Variants in UNC13C observed in about 807,000 individuals in gnomAD.
UNC13C encodes unc-13 homolog C, also known as protein unc-13 homolog C.
In UNC13C, 174 loss-of-function variants were observed where a neutral mutation model predicts 245.4. The observed-to-expected ratio is 0.71, with a 90% confidence interval of 0.63 to 0.80. UNC13C has a LOEUF of 0.80. Among genes scored for constraint, UNC13C ranks in the 30% least tolerant of loss-of-function variants. The pLI is 0.00. For missense variants in UNC13C, 2,829 were observed against 2,602.9 expected (o/e 1.09, Z -1.89); for synonymous variants, 992 against 895.1 (o/e 1.11, Z -1.93).
intron 2 of UNC13C, among the ~76,000 whole-genome samples, chr15:54,131,610 G>T (rs1295312471): frequency 1.3e-5 from 2 of 152,134 alleles, no homozygotes; most frequent in Non-Finnish European, 2.9e-5. Context: ...ACTATCCATA[G>T]TTAGGCACTT....
chr15:54,294,887 TA>T (rs2037389004), intron 11 of UNC13C, among the ~76,000 whole-genome samples: 1 of 152,158 alleles, frequency 6.6e-6, no homozygotes, highest in Non-Finnish European at 1.5e-5. Flanking sequence ...CTTTTGACTT[TA>T]AAAAAATCTG....
rs115075186 is a variant in UNC13C at position 54,378,004 on chromosome 15, G to A, written c.4714-15044G>A. On this transcript the variant is annotated intron_variant, in intron 17 of 32. Coordinates refer to ENST00000260323, the MANE Select transcript of UNC13C (RefSeq NM_001080534.3). ...TAGTCAATTTTTAGATACAGTATGGGATTTTTTTTTTGGTACAGCATTCCC... is the reference window on the plus strand; with the variant it reads ...TAGTCAATTTTTAGATACAGTATGGAATTTTTTTTTTGGTACAGCATTCCC... 8.7e-3 allele frequency among the ~76,000 whole-genome samples: 1,323 copies of A among 152,078 alleles called. 25 individuals carry two copies. The highest frequency in any genetic ancestry group is 0.03 in the African/African-American group (1,252 of 41,488).
intron 2 of UNC13C, among the ~76,000 whole-genome samples, chr15:54,029,193 A>G (rs1440919652): frequency 4.6e-5 from 7 of 152,220 alleles, no homozygotes; most frequent in Admixed American, 4.6e-4. Flanking sequence ...TAATAGCTTC[A>G]GTTATTGATG....
chr15:53,870,798 T>C, the UNC13C span, among the ~76,000 whole-genome samples: 2 of 152,118 alleles, frequency 1.3e-5, no homozygotes, highest in East Asian at 3.9e-4. Flanking sequence ...TTGGCCAAGG[T>C]CACACAGCAA....
chr15:54,186,791 C>A (rs576386439), intron 4 of UNC13C, among the ~76,000 whole-genome samples: 1 of 147,446 alleles, frequency 6.8e-6, no homozygotes, highest in African/African-American at 2.5e-5. Context: ...GCTCACTGCC[C>A]TTAATTACCA....
chr15:54,254,216 A>G (rs992473502), intron 8 of UNC13C, among the ~76,000 whole-genome samples: 27 of 152,198 alleles, frequency 1.8e-4, no homozygotes, highest in African/African-American at 6.0e-4. Flanking sequence ...AAGACAGTCA[A>G]ATATTTGCAT....
intron 18 of UNC13C, among the ~76,000 whole-genome samples, chr15:54,403,583 C>A (rs2040231868): frequency 6.6e-6 from 1 of 151,328 alleles, no homozygotes; most frequent in African/African-American, 2.4e-5. Flanking sequence ...AGGCATTTTG[C>A]CACATGCCAG....
intron 30 of UNC13C, among the ~76,000 whole-genome samples, chr15:54,579,182 C>T (rs1898096415): frequency 6.6e-6 from 1 of 152,098 alleles, no homozygotes; most frequent in Non-Finnish European, 1.5e-5. Flanking sequence ...AAAATTTCTT[C>T]TACAGGATTC....
chr15:54,264,067 G>T, intron 8 of UNC13C, 101 bp from the exon 9 acceptor site: 1 of 1,167,362 alleles, frequency 8.6e-7, no homozygotes, highest in Non-Finnish European at 1.2e-6. Context: ...CAGAATGAAA[G>T]CACTCATTCA....
At chr15:53,889,778 G>T in the UNC13C span, among the ~76,000 whole-genome samples, 2 of 152,052 alleles carry the variant, frequency 1.3e-5, no homozygotes, top group African/African-American at 2.4e-5. Flanking sequence ...GTTGAATTTT[G>T]TCAAAGGCCT....
the UNC13C span, among the ~76,000 whole-genome samples, chr15:53,939,744 T>G: frequency 6.6e-6 from 1 of 152,110 alleles, no homozygotes; most frequent in African/African-American, 2.4e-5. Flanking sequence ...AACCACACAA[T>G]TAGCTCAATA....
intron 2 of UNC13C, among the ~76,000 whole-genome samples, chr15:54,125,420 G>T (rs983907187): frequency 6.6e-6 from 1 of 152,050 alleles, no homozygotes; most frequent in Non-Finnish European, 1.5e-5. Context: ...CTGAGACTGC[G>T]CCACTGCACT....
intron 1 of UNC13C, among the ~76,000 whole-genome samples, chr15:54,000,588 C>A (rs1894841236): frequency 6.6e-6 from 1 of 152,032 alleles, no homozygotes; most frequent in Non-Finnish European, 1.5e-5. Flanking sequence ...TCACAGAGGT[C>A]TTAGAAAATC....
chr15:54,612,718 G>T (rs1246300963), intron 30 of UNC13C, among the ~76,000 whole-genome samples: 1 of 151,912 alleles, frequency 6.6e-6, no homozygotes, highest in Non-Finnish European at 1.5e-5. Context: ...TGTTGCAAAC[G>T]AAGTGGATAT....
At chr15:54,426,841 A>ATT (rs1168833565) in intron 19 of UNC13C, among the ~76,000 whole-genome samples, 12 of 151,724 alleles carry the variant, frequency 7.9e-5, no homozygotes, top group African/African-American at 2.9e-4. Context: ...TGTTGTGAGG[A>ATT]TTAAATTAGG....
chr15:54,201,540 A>C (rs531860902), intron 4 of UNC13C, among the ~76,000 whole-genome samples: 8 of 152,204 alleles, frequency 5.3e-5, no homozygotes, highest in African/African-American at 1.9e-4. Context: ...GATACGCCAC[A>C]TAAACAGAAT....
chr15:54,208,408 A>G (rs2140741251), intron 4 of UNC13C, among the ~76,000 whole-genome samples: 2 of 152,252 alleles, frequency 1.3e-5, no homozygotes, highest in Non-Finnish European at 2.9e-5. Context: ...CTGCCAAATA[A>G]TAAGGGCTGC....
chr15:54,268,267 T>C (rs2036598428), intron 10 of UNC13C, among the ~76,000 whole-genome samples: 1 of 152,142 alleles, frequency 6.6e-6, no homozygotes, highest in South Asian at 2.1e-4. Flanking sequence ...GTAATTTTCA[T>C]ATTAGGCATT....
At chr15:54,317,618 C>T (rs1056956324) in intron 13 of UNC13C, among the ~76,000 whole-genome samples, 1 of 151,968 alleles carries the variant, frequency 6.6e-6, no homozygotes, top group South Asian at 2.1e-4. Flanking sequence ...TTTAAACTGA[C>T]AGATAAAATT....
Sources: gnomAD v4.1 joint callset for allele counts (sites outside exome capture counted in the v4.1 genomes callset) on GRCh38, gnomAD v4.1.1 for gene constraint, MANE v1.5 for transcripts, NCBI Gene and HGNC (gene_info 2026-07-23, HGNC 2026-07-21) for gene names.